Variants in ADCY9 observed in about 807,000 individuals in gnomAD.
ADCY9 encodes adenylate cyclase type 9.
ADCY9 carries 50 observed loss-of-function variants against 101.5 expected under a neutral mutation model. The ratio of observed to expected loss-of-function variants is 0.49; its 90% CI spans 0.39 to 0.62. The LOEUF is 0.62. ADCY9 is among the 20% of genes least tolerant of loss of function. ADCY9 has a pLI of 0.00. For synonymous variants in ADCY9, 905 were observed against 769.3 expected (o/e 1.18, Z -2.92); for missense variants, 1,662 against 1,800.4 (o/e 0.92, Z 1.39).
chr16:4,045,682 C>A lies in ADCY9; in HGVS notation c.1694-38124G>T, dbSNP rs191367573. Among the ~76,000 whole-genome samples the A allele has an allele frequency of 1.1e-3, 161 of 149,224 alleles. 1 individual carries two copies. Among genetic ancestry groups the A allele is most frequent in the Non-Finnish European group, 2.5e-4 (17 of 67,558 alleles). The stretch of plus-strand genomic sequence containing the variant: ...TCCAAGAGGGGAAGATGGTCTCAGG[C>A]AGTAACTAGCTTTGAAAACCCTTGT... On this transcript the variant is annotated intron_variant, in intron 2 of 10. Coordinates refer to ENST00000294016, the MANE Select transcript of ADCY9 (RefSeq NM_001116.4).
chr16:3,975,716 C>T (rs184600681), intron 9 of ADCY9, among the ~76,000 whole-genome samples: 101 of 152,290 alleles, frequency 6.6e-4, no homozygotes, highest in Admixed American at 1.4e-3. Flanking sequence ...CGCACCTAAA[C>T]CCTCTGTAAT....
At chr16:4,041,177 C>T (rs1447443539) in intron 2 of ADCY9, among the ~76,000 whole-genome samples, 1 of 152,134 alleles carries the variant, frequency 6.6e-6, no homozygotes, top group Non-Finnish European at 1.5e-5. Flanking sequence ...TCATCCTTCT[C>T]TGAATTTCTA....
rs189139896 is a variant in ADCY9, at chr16:4,072,091, A to C, written c.1693+41659T>G. ...TTCTGAAGACTGAAGACGATTTAAA[A>C]GCCTGTGAATCTCCCTTGTTTGGAA... On this transcript the variant is annotated intron_variant, in intron 2 of 10. Coordinates refer to ENST00000294016, the MANE Select transcript of ADCY9 (RefSeq NM_001116.4). Among the ~76,000 whole-genome samples, 15 of 152,342 alleles carry C rather than the reference A, an allele frequency of 9.8e-5. No individual in the cohort carries two copies. The East Asian group carries it at 2.9e-3, about 29-fold the overall frequency.
intron 3 of ADCY9, among the ~76,000 whole-genome samples, 156 bp from the exon 4 acceptor site, chr16:3,993,666 G>A (rs376567197): frequency 1.3e-5 from 2 of 152,154 alleles, no homozygotes; most frequent in Non-Finnish European, 1.5e-5. Flanking sequence ...GAAAGCCAAC[G>A]GGCAAAGTGA....
At chr16:4,084,104 GTTTGT>G (rs201643957) in intron 2 of ADCY9, among the ~76,000 whole-genome samples, 1 of 151,728 alleles carries the variant, frequency 6.6e-6, no homozygotes, top group African/African-American at 2.4e-5. Flanking sequence ...GCTTTCTTTT[GTTTGT>G]TTTGTTTTGT....
At chr16:4,020,296 G>A (rs984134098) in intron 2 of ADCY9, among the ~76,000 whole-genome samples, 1 of 152,088 alleles carries the variant, frequency 6.6e-6, no homozygotes, top group South Asian at 2.1e-4. Flanking sequence ...AAGCAGTGAA[G>A]ATCCACATCC....
chr16:4,026,994 C>G (rs545834957), intron 2 of ADCY9, among the ~76,000 whole-genome samples: 6 of 152,336 alleles, frequency 3.9e-5, no homozygotes, highest in African/African-American at 1.4e-4. Context: ...CCTCCCGCAA[C>G]CAACCAGACT....
chr16:4,014,852 C>T (rs1286595934), intron 2 of ADCY9, among the ~76,000 whole-genome samples: 1 of 151,918 alleles, frequency 6.6e-6, no homozygotes, highest in African/African-American at 2.4e-5. Flanking sequence ...GCTTCCCTCT[C>T]TCTCCCAGTA....
At chr16:3,988,294 C>T (rs938496782) in intron 6 of ADCY9, among the ~76,000 whole-genome samples, 5 of 151,774 alleles carry the variant, frequency 3.3e-5, no homozygotes, top group African/African-American at 7.3e-5. Context: ...AACATGGAGC[C>T]GGAGTTAGAG....
At chr16:3,958,212 A>G (rs2055918143), downstream of ADCY9, among the ~76,000 whole-genome samples, 1 of 152,132 alleles carries the variant, frequency 6.6e-6, no homozygotes, top group Admixed American at 6.6e-5. Flanking sequence ...CCCTCCCGCC[A>G]GGACCCCAAA....
intron 2 of ADCY9, among the ~76,000 whole-genome samples, chr16:4,044,936 T>C (rs1023060517): frequency 1.3e-5 from 2 of 152,124 alleles, no homozygotes; most frequent in African/African-American, 4.8e-5. Context: ...CTCCCGCACG[T>C]GACTGCCAAC....
intron 2 of ADCY9, among the ~76,000 whole-genome samples, chr16:4,027,504 A>C (rs1302654886): frequency 6.6e-6 from 1 of 152,232 alleles, no homozygotes; most frequent in African/African-American, 2.4e-5. Context: ...ATCATGGCAG[A>C]GGGCAAGGAG....
chr16:3,959,096 C>T (rs55701902), downstream of ADCY9, among the ~76,000 whole-genome samples: 3,316 of 152,130 alleles, frequency 0.022, 113 homozygotes, highest in African/African-American at 0.076. Context: ...CACGGTGGCT[C>T]ACATCTGTAA....
chr16:4,006,376 G>C (rs1216254656), intron 3 of ADCY9, among the ~76,000 whole-genome samples: 1 of 152,208 alleles, frequency 6.6e-6, no homozygotes, highest in Admixed American at 6.5e-5. Flanking sequence ...GACAGAACCC[G>C]AGTGCAATCA....
Position 3,966,690 on chromosome 16 carries a change from G to C in ADCY9, c.3147C>G (p.Thr1049=), listed in dbSNP as rs199530142. Residue 1049 remains threonine, a synonymous_variant, in exon 11 of 11, where the codon ACC becomes ACG. Transcript: ENST00000294016. The part of the protein sequence containing the change: ...HVAEQLKVSQ[T]YSKNHDSGGV... ...CTCCGCTGTCATGGTTCTTGGAGTA[G>C]GTCTGGGACACCTTCAGCTGCTCAG... 36 of 1,614,112 alleles carry C rather than the reference G, an allele frequency of 2.2e-5. No individual in the cohort carries two copies. In the African/African-American group the frequency reaches 4.8e-4, roughly 22 times the overall value.
rs117563551 is a variant in ADCY9, at chr16:4,057,865, C to T, written c.1694-50307G>A. ...GATGAGAAAACCAAGGCCCAGGGAA[C>T]CCAAGGTCACAAAGGACTCTAAGAA... On this transcript the variant is annotated intron_variant, in intron 2 of 10. Coordinates refer to ENST00000294016, the MANE Select transcript of ADCY9 (RefSeq NM_001116.4). 5.9e-3 allele frequency among the ~76,000 whole-genome samples: 897 copies of T among 152,226 alleles called. 5 individuals are homozygous for T. Among genetic ancestry groups the T allele is most frequent in the Non-Finnish European group, 9.9e-3 (671 of 68,014 alleles).
Position 3,966,915 on chromosome 16 carries a change from G to A in ADCY9, c.2922C>T (p.Pro974=), listed in dbSNP as rs573019596. 46 of 1,613,892 alleles carry A rather than the reference G, an allele frequency of 2.9e-5. No homozygotes were observed. The Admixed American group carries it at 3.2e-4, about 11-fold the overall frequency. The change falls in exon 11 of 11, where the codon CCC becomes CCT. Residue 974 remains proline, a synonymous_variant. Transcript: ENST00000294016. ...CCACCTCCTGGCCGATGAGGCTGGC[G>A]GGCCGCCGGAGGTCACGCGGCACCG... ...NSSVPRDLRR[P]ASLIGQEVVL...
chr16:3,955,024 A>T (rs1299769798), intron 5 of ADCY9, among the ~76,000 whole-genome samples: 2 of 152,114 alleles, frequency 1.3e-5, no homozygotes, highest in African/African-American at 4.8e-5. Context: ...AGACGGGGGA[A>T]CTTGGAAATG....
intron 2 of ADCY9, among the ~76,000 whole-genome samples, chr16:4,021,320 G>A (rs1407531343): frequency 6.6e-6 from 1 of 152,258 alleles, no homozygotes; most frequent in Admixed American, 6.5e-5. Flanking sequence ...GGCAGCAGGT[G>A]TTTCAGGAAA....
Sources: allele counts gnomAD v4.1 joint callset (sites outside exome capture counted in the v4.1 genomes callset), GRCh38; gene constraint gnomAD v4.1.1; transcripts MANE v1.5; gene names NCBI Gene and HGNC (gene_info 2026-07-23, HGNC 2026-07-21).